CEP63: variants seen among roughly 807,000 people sequenced by gnomAD.
CEP63 encodes centrosomal protein of 63 kDa.
A neutral mutation model predicts 89.1 loss-of-function variants in CEP63; 84 were observed. That is an observed-to-expected ratio of 0.94 (90% CI 0.79 to 1.13). CEP63 has a LOEUF of 1.13. CEP63 is among the 50% of genes most tolerant of loss of function. The probability of loss-of-function intolerance (pLI) is 0.00; values close to 1 mark genes in which losing one functional copy is unlikely to be tolerated. For synonymous variants in CEP63, 267 were observed against 272.5 expected (o/e 0.98, Z 0.20); for missense variants, 838 against 813.3 (o/e 1.03, Z -0.37).
At chr3:134,692,352 A>C in the CEP63 span, among the ~76,000 whole-genome samples, 1 of 149,666 alleles carries the variant, frequency 6.7e-6, no homozygotes, top group Non-Finnish European at 1.5e-5. Context: ...GAGTGGGAAC[A>C]TGCGGTGTTT....
At chr3:134,538,879 ACT>A (rs1173237986) in intron 6 of CEP63, among the ~76,000 whole-genome samples, 1 of 151,984 alleles carries the variant, frequency 6.6e-6, no homozygotes, top group South Asian at 2.1e-4. Flanking sequence ...GTGATTATTG[ACT>A]CTATGTAATT....
the CEP63 span, among the ~76,000 whole-genome samples, chr3:134,723,770 G>T: frequency 6.6e-6 from 1 of 152,132 alleles, no homozygotes; most frequent in Admixed American, 6.5e-5. Context: ...TAATATAAAG[G>T]CCTCCCACCA....
the CEP63 span, among the ~76,000 whole-genome samples, chr3:134,656,523 C>T: frequency 8.5e-5 from 13 of 152,192 alleles, no homozygotes; most frequent in Non-Finnish European, 1.3e-4. Context: ...GCAGGTCCCA[C>T]GGTTGCCTTA....
chr3:134,710,218 G>A, the CEP63 span, among the ~76,000 whole-genome samples: 46 of 152,302 alleles, frequency 3.0e-4, no homozygotes, highest in South Asian at 6.2e-4. Flanking sequence ...ACAACGGGTC[G>A]GCTGCTGGAG....
At chr3:134,543,605 A>G (rs1186468280) in intron 6 of CEP63, among the ~76,000 whole-genome samples, 2 of 152,196 alleles carry the variant, frequency 1.3e-5, no homozygotes, top group African/African-American at 4.8e-5. Context: ...ATTTGAGTTG[A>G]TAGTGTTAGG....
chr3:134,780,603 A>G, the CEP63 span: 7 of 152,380 alleles, frequency 4.6e-5, no homozygotes, highest in African/African-American at 1.7e-4. Flanking sequence ...TTCCAATTTT[A>G]GTAATGTGCT....
rs189182468 is a variant in CEP63, at chr3:134,503,658, A to G, written c.45-3451A>G. Among the ~76,000 whole-genome samples the G allele has an allele frequency of 2.6e-5, 4 of 152,200 alleles. No homozygotes were observed. The East Asian group carries it at 7.7e-4, about 29-fold the overall frequency. On this transcript the variant is annotated intron_variant, in intron 2 of 14. Transcript: ENST00000675561. Reference sequence around the variant, plus strand: ...GAGTCTGTCTCTCTTTAGCTCTAATAATATTTGCTTCATATGTCTGTGTGC... The same window carrying G: ...GAGTCTGTCTCTCTTTAGCTCTAATGATATTTGCTTCATATGTCTGTGTGC...
At chr3:134,649,558 A>C in the CEP63 span, among the ~76,000 whole-genome samples, 1 of 152,244 alleles carries the variant, frequency 6.6e-6, no homozygotes, top group Non-Finnish European at 1.5e-5. Flanking sequence ...TACCCTGGGC[A>C]GGCCATTTCC....
rs1958361949 is a variant in CEP63, at chr3:134,581,879, G to T, written c.1207-5579G>T. Among the ~76,000 whole-genome samples the T allele has an allele frequency of 2.0e-5, 3 of 151,388 alleles. No homozygotes were observed. The South Asian group carries it at 6.3e-4, about 32-fold the overall frequency. On this transcript the variant is annotated intron_variant, in intron 10 of 10. Coordinates refer to the CEP63 transcript ENST00000683931. ...TTTAGTAGAGACGGGGTTTCACCGT[G>T]TTAGCCAGGATGGTCTCGATCTCCT...
At chr3:134,546,516 A>T (rs1360561725) in intron 8 of CEP63, among the ~76,000 whole-genome samples, 1 of 151,890 alleles carries the variant, frequency 6.6e-6, no homozygotes, top group East Asian at 1.9e-4. Flanking sequence ...ATGCTACCAC[A>T]CCTGGCTAGT....
Position 134,564,276 on chromosome 3 carries a change from G to A in CEP63, c.*2741G>A, listed in dbSNP as rs2110225291. On this transcript the variant is annotated 3_prime_UTR_variant, in exon 15 of 15. Coordinates refer to ENST00000675561, the MANE Select transcript of CEP63 (RefSeq NM_001353108.3). The stretch of plus-strand genomic sequence containing the variant: ...TGCCATTCCTGAGGTGCACCACATC[G>A]TTTCTTTTGTGTTGGTGTGCATGCT... 5.1e-6 allele frequency: 5 copies of A among 985,380 alleles called. No homozygotes were observed. The South Asian group carries it at 1.4e-4, about 28-fold the overall frequency. 61.0% of individuals were successfully genotyped at this position (985,380 alleles called of 1,614,324 possible). A position where few individuals can be genotyped will look rare whatever the true frequency, so the allele number is the denominator to read the frequency against.
At chr3:134,559,120 A>C in intron 13 of CEP63, 30 bp from the exon 14 acceptor site, 1 of 1,610,484 alleles carries the variant, frequency 6.2e-7, no homozygotes, top group Admixed American at 1.7e-5. Flanking sequence ...ACAATTTTTT[A>C]TTTGTTTTGT....
At chr3:134,650,449 G>C in the CEP63 span, among the ~76,000 whole-genome samples, 10 of 152,258 alleles carry the variant, frequency 6.6e-5, no homozygotes, top group East Asian at 3.9e-4. Flanking sequence ...GTGTGCTGTG[G>C]GGGGGAGCAG....
At chr3:134,525,174 T>C (rs1948378752) in intron 3 of CEP63, among the ~76,000 whole-genome samples, 1 of 152,146 alleles carries the variant, frequency 6.6e-6, no homozygotes. Flanking sequence ...TACATAGAGG[T>C]GTTTATAGTA....
chr3:134,558,489 A>C (rs943966021), intron 13 of CEP63, 142 bp downstream of exon 13: 11 of 691,988 alleles, frequency 1.6e-5, no homozygotes, highest in Non-Finnish European at 2.8e-5. Flanking sequence ...GTGCACAAGT[A>C]AAGCTATGAT....
the CEP63 span, among the ~76,000 whole-genome samples, chr3:134,691,631 T>A: frequency 1.3e-5 from 2 of 152,162 alleles, no homozygotes; most frequent in South Asian, 4.2e-4. Context: ...AAAAAAATAT[T>A]TCTCAGTTCA....
At position 134,552,020 on chromosome 3, in the gene CEP63, A is replaced by T. The variant is rs1195793643; in HGVS notation, c.1467+8A>T. The T allele has an allele frequency of 8.6e-6, 13 of 1,513,652 alleles. No homozygotes were observed. The Admixed American group carries it at 1.9e-4, about 22-fold the overall frequency. The allele number at this position is 1,513,652 out of a possible 1,614,324, so 93.8% of individuals were successfully genotyped here. ...GAATTGGGTTTACATGAGGTACATAAATAGAAACTTAAGTTTTTCTACTAT... is the reference window on the plus strand; with the variant it reads ...GAATTGGGTTTACATGAGGTACATATATAGAAACTTAAGTTTTTCTACTAT... On this transcript the variant is annotated splice_region_variant and intron_variant, in intron 12 of 14. Coordinates refer to ENST00000675561, the MANE Select transcript of CEP63 (RefSeq NM_001353108.3).
chr3:134,585,102 T>C (rs992685670), intron 10 of CEP63, among the ~76,000 whole-genome samples: 60 of 152,034 alleles, frequency 3.9e-4, no homozygotes, highest in African/African-American at 1.4e-3. Flanking sequence ...GTCTTGCTAG[T>C]GGTCTATCAA....
At chr3:134,687,404 G>C in the CEP63 span, among the ~76,000 whole-genome samples, 1 of 152,200 alleles carries the variant, frequency 6.6e-6, no homozygotes, top group Admixed American at 6.5e-5. Flanking sequence ...CTTCAGCCTG[G>C]ATGAACGTGC....
Sources: gnomAD v4.1 joint callset for allele counts (sites outside exome capture counted in the v4.1 genomes callset) on GRCh38, gnomAD v4.1.1 for gene constraint, MANE v1.5 for transcripts, NCBI Gene and HGNC (gene_info 2026-07-23, HGNC 2026-07-21) for gene names.